Variants in FAM135A observed in about 807,000 individuals in gnomAD.
FAM135A encodes family with sequence similarity 135 member A, also known as protein FAM135A.
A neutral mutation model predicts 146.8 loss-of-function variants in FAM135A; 79 were observed. The observed-to-expected ratio is 0.54, with a 90% CI of 0.45 to 0.65. FAM135A has a LOEUF of 0.65. Among genes scored for constraint, FAM135A ranks in the 30% least tolerant of loss-of-function variants. The pLI is 0.00. For missense variants in FAM135A, 1,623 were observed against 1,758.2 expected (o/e 0.92, Z 1.38); for synonymous variants, 562 against 603.6 (o/e 0.93, Z 1.01).
intron 12 of FAM135A, among the ~76,000 whole-genome samples, chr6:70,512,555 G>A (rs1582663798): frequency 1.3e-5 from 2 of 151,794 alleles, no homozygotes; most frequent in Admixed American, 1.3e-4. Context: ...TATAGTAGGG[G>A]TAAAGTGGAA....
intron 5 of FAM135A, 139 bp downstream of exon 5, chr6:70,452,710 G>T: frequency 1.8e-6 from 1 of 562,806 alleles, no homozygotes; most frequent in Non-Finnish European, 3.0e-6. Context: ...ATATATTTGG[G>T]GACTCAGTGA....
intron 15 of FAM135A, 48 bp from the exon 16 acceptor site, chr6:70,528,244 A>T: frequency 6.5e-7 from 1 of 1,529,918 alleles, no homozygotes; most frequent in Non-Finnish European, 8.8e-7. Flanking sequence ...GGGTTCTAAC[A>T]ACTGAATATG....
chr6:70,413,904 G>C (rs866449291), intron 1 of FAM135A: 8 of 985,266 alleles, frequency 8.1e-6, no homozygotes, highest in Admixed American at 6.1e-5. Context: ...GGTGCGGAGC[G>C]CTCTGAGGGA....
intron 2 of FAM135A, among the ~76,000 whole-genome samples, chr6:70,416,477 T>C (rs1263069308): frequency 6.6e-6 from 1 of 152,228 alleles, no homozygotes; most frequent in Admixed American, 6.5e-5. Flanking sequence ...GCCAAGGATT[T>C]CCTTTGCTTT....
chr6:70,498,878 G>T (rs1787904220), intron 11 of FAM135A, among the ~76,000 whole-genome samples: 1 of 152,100 alleles, frequency 6.6e-6, no homozygotes, highest in Non-Finnish European at 1.5e-5. Context: ...CATTTGCTGA[G>T]GATTTTTTAC....
chr6:70,535,309 G>T lies in FAM135A; in HGVS notation c.3966-951G>T, dbSNP rs1287095875. ...CCCAGGGAATCTTATACCATCTGTT[G>T]TAAAATAACAGTAAGTAAACAGGCT... On this transcript the variant is annotated intron_variant, in intron 18 of 21. Coordinates refer to ENST00000418814, the MANE Select transcript of FAM135A (RefSeq NM_001162529.3). 2.0e-5 allele frequency among the ~76,000 whole-genome samples: 3 copies of T among 152,204 alleles called. No individual in the cohort carries two copies. In the East Asian group the frequency reaches 5.8e-4, roughly 29 times the overall value.
chr6:70,495,293 C>T (rs1349182746), intron 11 of FAM135A, among the ~76,000 whole-genome samples: 2 of 152,106 alleles, frequency 1.3e-5, no homozygotes, highest in Non-Finnish European at 2.9e-5. Context: ...GTTGTGAATT[C>T]TGGAAGGTTT....
chr6:70,532,056 G>T (rs1410547802), intron 16 of FAM135A, among the ~76,000 whole-genome samples: 3 of 151,252 alleles, frequency 2.0e-5, no homozygotes, highest in Admixed American at 6.6e-5. Context: ...CTAATTTTTT[G>T]TATTTTTAGT....
intron 1 of FAM135A, among the ~76,000 whole-genome samples, chr6:70,414,216 A>C (rs1766984283): frequency 6.7e-6 from 1 of 149,146 alleles, no homozygotes. Flanking sequence ...CAGGTTTCTC[A>C]CTCTTGTTAC....
rs1190614826 is a variant in FAM135A, at chr6:70,540,318, C to CTTTT, written c.4228+1938_4228+1941dup. On this transcript the variant is annotated intron_variant, in intron 20 of 21. Coordinates refer to ENST00000418814, the MANE Select transcript of FAM135A (RefSeq NM_001162529.3). The stretch of plus-strand genomic sequence containing the variant: ...TTAGACTCATTTATGATTCCTGCTA[C>CTTTT]TTTTTTTTTTTTTTTTTTTTTTTTG... Among the ~76,000 whole-genome samples the CTTTT allele has an allele frequency of 5.2e-3, 428 of 81,558 alleles. 20 individuals are homozygous for CTTTT. Among genetic ancestry groups the CTTTT allele is most frequent in the African/African-American group, 0.014 (265 of 18,844 alleles). The allele number at this position is 81,558 out of a possible 152,430, so 53.5% of individuals were successfully genotyped here.
In FAM135A at chr6:70,480,991, C is replaced by T; in HGVS notation, c.633C>T (p.Val211=). Residue 211 remains valine, a synonymous_variant, in exon 9 of 22, where the codon GTC becomes GTT. Transcript: ENST00000418814. The part of the protein sequence containing the change: ...DSVIPTLESV[V]FGINYTKQLS... ...TGATTCCTACTCTTGAAAGTGTGGT[C>T]TTTGGTATTAACTACACAAAACAGT... 6.2e-7 allele frequency: 1 copy of T among 1,612,030 alleles called. No homozygotes were observed.
intron 18 of FAM135A, 41 bp downstream of exon 18, chr6:70,533,895 A>G (rs993154579): frequency 2.8e-6 from 3 of 1,071,618 alleles, no homozygotes; most frequent in Admixed American, 3.2e-5. Flanking sequence ...TTATATTTCT[A>G]TGAATTGTAT....
rs1794330213 is a variant in FAM135A, at chr6:70,524,787, C to G, written c.1703C>G (p.Thr568Arg). ...GACCCAAAGACCTACATGAGACAGA[C>G]AAGTCAAAAGGAAGCTAGCTGTTTG... ...NFDPKTYMRQ[T>R]SQKEASCLPT... The change falls in exon 15 of 22, where the codon ACA becomes AGA. Residue 568 changes from threonine to arginine, a missense_variant. By Grantham distance (71) the Thr-to-Arg change is moderately conservative (BLOSUM62 -1). Coordinates refer to ENST00000418814, the MANE Select transcript of FAM135A (RefSeq NM_001162529.3). 2 of 1,552,208 alleles carry G rather than the reference C, an allele frequency of 1.3e-6. No individual in the cohort carries two copies. Among genetic ancestry groups the G allele is most frequent in the East Asian group, 4.9e-5 (2 of 40,954 alleles).
In FAM135A at chr6:70,526,663, C is replaced by T. The variant is rs1794745718; in HGVS notation, c.3579C>T (p.Ser1193=). Residue 1193 remains serine, a synonymous_variant, in exon 15 of 22, where the codon TCC becomes TCT. Coordinates refer to ENST00000418814, the MANE Select transcript of FAM135A (RefSeq NM_001162529.3). ...STSYNFTSSI[S]WYESSPKPQI... is the part of the protein sequence containing the mutation. ...CTTACAACTTCACTTCTTCGATTTCCTGGTATGAAAGTTCACCAAAACCTC... is the reference window on the plus strand; with the variant it reads ...CTTACAACTTCACTTCTTCGATTTCTTGGTATGAAAGTTCACCAAAACCTC... The T allele has an allele frequency of 6.2e-7, 1 of 1,604,670 alleles. No homozygotes were observed. The highest frequency in any genetic ancestry group is 1.1e-5 in the South Asian group (1 of 89,746).
Position 70,512,200 on chromosome 6 carries a change from A to T in FAM135A, c.1029+9409A>T, listed in dbSNP as rs560713998. Among the ~76,000 whole-genome samples, 17 of 151,964 alleles carry T rather than the reference A, an allele frequency of 1.1e-4. No homozygotes were observed. In the East Asian group the frequency reaches 1.5e-3, roughly 14 times the overall value. On this transcript the variant is annotated intron_variant, in intron 12 of 21. Transcript: ENST00000418814. ...CTTCAGTCAACATAATTTCTTTTAG[A>T]TTAGCCCATGTTGTATATATTTGTA...
chr6:70,543,796 A>G (rs758496079), intron 20 of FAM135A, among the ~76,000 whole-genome samples: 17 of 152,240 alleles, frequency 1.1e-4, no homozygotes, highest in Non-Finnish European at 4.4e-5. Flanking sequence ...TAATAGCAAC[A>G]TAAGAATATC....
At chr6:70,419,418 CA>C (rs3029152) in intron 2 of FAM135A, among the ~76,000 whole-genome samples, 112,915 of 145,956 alleles carry the variant, frequency 0.77, 43,462 homozygotes, top group East Asian at 0.85. Context: ...GACTTCGTCT[CA>C]AAAAAAAAAA....
chr6:70,524,413 G>A lies in FAM135A; in HGVS notation c.1329G>A (p.Glu443=). 6.5e-7 allele frequency: 1 copy of A among 1,532,452 alleles called. No individual in the cohort carries two copies. The highest frequency in any genetic ancestry group is 8.8e-7 in the Non-Finnish European group (1 of 1,142,198). The allele number at this position is 1,532,452 out of a possible 1,614,324, so 94.9% of individuals were successfully genotyped here. A position where few individuals can be genotyped will look rare whatever the true frequency, so the allele number is the denominator to read the frequency against. Reference sequence around the variant, plus strand: ...AGTCCAGTAAAATGGATAAATATGAGACTGAAGAAAGCTCTGTAGCAGGAC... The same window carrying A: ...AGTCCAGTAAAATGGATAAATATGAAACTGAAGAAAGCTCTGTAGCAGGAC... The part of the protein sequence containing the change: ...RSESSKMDKY[E]TEESSVAGLS... Residue 443 remains glutamate, a synonymous_variant, in exon 15 of 22, where the codon GAG becomes GAA. Transcript: ENST00000418814.
chr6:70,438,127 C>T (rs1345123957), intron 4 of FAM135A, among the ~76,000 whole-genome samples: 2 of 152,164 alleles, frequency 1.3e-5, no homozygotes, highest in South Asian at 4.1e-4. Context: ...ACAGAAAATA[C>T]AGAATACAAT....
Sources: gnomAD v4.1 joint callset for allele counts (sites outside exome capture counted in the v4.1 genomes callset) on GRCh38, gnomAD v4.1.1 for gene constraint, MANE v1.5 for transcripts, NCBI Gene and HGNC (gene_info 2026-07-23, HGNC 2026-07-21) for gene names.